Variants in ZNF236 observed in about 807,000 individuals in gnomAD.
ZNF236 encodes the protein regulated by glucose.
ZNF236 carries 50 observed loss-of-function variants against 191.2 expected under a neutral mutation model. That is an observed-to-expected ratio of 0.26 (90% CI 0.21 to 0.33). The LOEUF is 0.33. Ranked by LOEUF, ZNF236 falls within the 10% of genes least tolerant of loss-of-function variation. The pLI, the probability that ZNF236 is intolerant of heterozygous loss-of-function variation, is 1.00. For missense variants in ZNF236, 1,754 were observed against 2,374.5 expected, an observed-to-expected ratio of 0.74 and a Z score of 5.43; for synonymous variants, 907 against 928.8, an observed-to-expected ratio of 0.98 and a Z score of 0.43.
At chr18:76,896,236 A>C (rs7242184) in intron 10 of ZNF236, among the ~76,000 whole-genome samples, 3 of 151,276 alleles carry the variant, frequency 2.0e-5, no homozygotes, top group Non-Finnish European at 4.4e-5. Context: ...ACACAGTACC[A>C]AACACAGTAC....
chr18:76,926,283 G>A (rs952539147), intron 22 of ZNF236, among the ~76,000 whole-genome samples: 2 of 152,040 alleles, frequency 1.3e-5, no homozygotes, highest in African/African-American at 4.8e-5. Flanking sequence ...ATAGTAAAAA[G>A]TAGGTTTCTG....
At chr18:76,847,553 C>T (rs778654719) in intron 1 of ZNF236, among the ~76,000 whole-genome samples, 3 of 152,164 alleles carry the variant, frequency 2.0e-5, no homozygotes, top group Non-Finnish European at 4.4e-5. Flanking sequence ...GCAAGCTCGG[C>T]CTCCCAGGTT....
chr18:76,871,231 G>A (rs1364065761), intron 4 of ZNF236, among the ~76,000 whole-genome samples: 1 of 152,216 alleles, frequency 6.6e-6, no homozygotes, highest in Admixed American at 6.5e-5. Flanking sequence ...CCACCCATGA[G>A]GCAATGCCAA....
chr18:76,950,242 A>T lies in ZNF236; in HGVS notation c.4914+2590A>T, dbSNP rs550972224. On this transcript the variant is annotated intron_variant, in intron 27 of 30. Transcript: ENST00000320610. Reference sequence around the variant, plus strand: ...AATGATGTTTGATAGCATTTTACGCAAAGTAGAACCTCTTTCAAAATTGGA... The same window carrying T: ...AATGATGTTTGATAGCATTTTACGCTAAGTAGAACCTCTTTCAAAATTGGA... 3.3e-5 allele frequency among the ~76,000 whole-genome samples: 5 copies of T among 152,204 alleles called. 1 individual carries two copies. Among genetic ancestry groups the T allele is most frequent in the Non-Finnish European group, 5.9e-5 (4 of 68,042 alleles).
chr18:76,905,459 T>C, intron 13 of ZNF236, 44 bp downstream of exon 13: 1 of 1,592,076 alleles, frequency 6.3e-7, no homozygotes, highest in Non-Finnish European at 8.6e-7. Context: ...CTTTATAATT[T>C]CCAGTAGATG....
At chr18:76,832,410 T>G (rs1975196401) in intron 1 of ZNF236, among the ~76,000 whole-genome samples, 1 of 151,988 alleles carries the variant, frequency 6.6e-6, no homozygotes, top group South Asian at 2.1e-4. Flanking sequence ...TGACACTTCA[T>G]CTGAATGTGA....
chr18:76,889,437 C>A (rs932825590), intron 9 of ZNF236, among the ~76,000 whole-genome samples: 1 of 152,222 alleles, frequency 6.6e-6, no homozygotes, highest in Non-Finnish European at 1.5e-5. Flanking sequence ...TGATGCCTGG[C>A]ATGGTGCTTG....
chr18:76,882,012 C>A (rs997905494), intron 9 of ZNF236, among the ~76,000 whole-genome samples: 1 of 152,192 alleles, frequency 6.6e-6, no homozygotes, highest in African/African-American at 2.4e-5. Flanking sequence ...CACCAAGATC[C>A]ATTTCTTGGC....
intron 26 of ZNF236, among the ~76,000 whole-genome samples, chr18:76,938,419 AAC>A (rs1968052828): frequency 6.6e-6 from 1 of 152,136 alleles, no homozygotes; most frequent in Non-Finnish European, 1.5e-5. Context: ...TTTTCACCAA[AAC>A]ACATTCCTTG....
At chr18:76,879,533 C>T (rs1037277399) in intron 7 of ZNF236, among the ~76,000 whole-genome samples, 2 of 152,168 alleles carry the variant, frequency 1.3e-5, no homozygotes, top group Non-Finnish European at 2.9e-5. Flanking sequence ...CCTGTCCACA[C>T]CCTCACAGTG....
intron 3 of ZNF236, among the ~76,000 whole-genome samples, chr18:76,855,093 T>A (rs932986599): frequency 1.3e-5 from 2 of 152,080 alleles, no homozygotes; most frequent in Non-Finnish European, 2.9e-5. Context: ...CCAGCTAATT[T>A]TTATATTTTT....
intron 9 of ZNF236, among the ~76,000 whole-genome samples, chr18:76,891,603 C>G (rs887532224): frequency 2.0e-5 from 3 of 152,144 alleles, no homozygotes; most frequent in Non-Finnish European, 4.4e-5. Context: ...GTCTTGAACT[C>G]CTGGCCTGGA....
chr18:76,873,472 C>G (rs578026279), intron 5 of ZNF236, among the ~76,000 whole-genome samples: 5 of 152,288 alleles, frequency 3.3e-5, no homozygotes, highest in Non-Finnish European at 5.9e-5. Flanking sequence ...CAGGTCCCAG[C>G]CCCAGGAGTC....
intron 3 of ZNF236, among the ~76,000 whole-genome samples, chr18:76,863,591 CTT>C (rs200474453): frequency 1.7e-4 from 25 of 144,520 alleles, no homozygotes; most frequent in Non-Finnish European, 1.8e-4. Flanking sequence ...TATTCTTCTT[CTT>C]TTTTTTTTTT....
chr18:76,938,548 G>A (rs896800376), intron 26 of ZNF236, among the ~76,000 whole-genome samples: 1 of 152,224 alleles, frequency 6.6e-6, no homozygotes, highest in African/African-American at 2.4e-5. Flanking sequence ...CCTCTTCTGA[G>A]CTCTAGTCCC....
chr18:76,853,115 G>T (rs1182689666), intron 3 of ZNF236, among the ~76,000 whole-genome samples: 1 of 150,138 alleles, frequency 6.7e-6, no homozygotes, highest in Non-Finnish European at 1.5e-5. Context: ...TTTCGCTTTT[G>T]TTGCCCAGGC....
intron 22 of ZNF236, among the ~76,000 whole-genome samples, chr18:76,926,628 C>T (rs1461514806): frequency 4.0e-5 from 6 of 148,674 alleles, no homozygotes; most frequent in Non-Finnish European, 8.9e-5. Flanking sequence ...GGTGATTAGA[C>T]AGTGTGTGTA....
At chr18:76,966,976 C>T (rs1376222435) in intron 30 of ZNF236, among the ~76,000 whole-genome samples, 2 of 152,066 alleles carry the variant, frequency 1.3e-5, no homozygotes, top group African/African-American at 4.8e-5. Context: ...GTGGTATGCT[C>T]TGTGAGATCT....
rs192537524 is a variant in ZNF236 at position 76,860,732 on chromosome 18, C to A, written c.364-7953C>A. On this transcript the variant is annotated intron_variant, in intron 3 of 30. Coordinates refer to ENST00000320610, the MANE Select transcript of ZNF236 (RefSeq NM_001306089.2). ...GCTGTTGTGGTTGTAAGAACTTACA[C>A]ATTCCTTCGCTTCTGACTCCTTTTT... Among the ~76,000 whole-genome samples, 14 of 152,376 alleles carry A rather than the reference C, an allele frequency of 9.2e-5. No individual in the cohort carries two copies. The East Asian group carries it at 2.3e-3, about 25-fold the overall frequency.
Sources: gnomAD v4.1 joint callset for allele counts (sites outside exome capture counted in the v4.1 genomes callset) on GRCh38, gnomAD v4.1.1 for gene constraint, MANE v1.5 for transcripts, NCBI Gene and HGNC (gene_info 2026-07-23, HGNC 2026-07-21) for gene names.